Variants in CCDC141 observed in about 807,000 individuals in gnomAD.
CCDC141 encodes coiled-coil domain-containing protein 141.
CCDC141 carries 168 observed loss-of-function variants against 181.0 expected under a neutral mutation model. The ratio of observed to expected loss-of-function variants is 0.93; its 90% CI spans 0.82 to 1.05. CCDC141 has a LOEUF of 1.05. Ranked by LOEUF, CCDC141 falls within the 50% of genes least tolerant of loss-of-function variation. The pLI, the probability that CCDC141 is intolerant of heterozygous loss-of-function variation, is 0.00. For synonymous variants in CCDC141, 666 were observed against 642.3 expected, an observed-to-expected ratio of 1.04 and a Z score of -0.56; for missense variants, 1,902 against 1,788.5, an observed-to-expected ratio of 1.06 and a Z score of -1.14.
At chr2:178,844,487 T>A (rs545018486) in intron 22 of CCDC141, among the ~76,000 whole-genome samples, 2 of 152,194 alleles carry the variant, frequency 1.3e-5, no homozygotes, top group African/African-American at 4.8e-5. Context: ...TAAAACCATT[T>A]GATACAAGAG....
chr2:178,853,828 G>A (rs143625734), intron 19 of CCDC141, among the ~76,000 whole-genome samples: 8 of 152,200 alleles, frequency 5.3e-5, no homozygotes, highest in African/African-American at 1.7e-4. Context: ...AAATACAAAT[G>A]TGAAAATATG....
intron 2 of CCDC141, among the ~76,000 whole-genome samples, chr2:179,019,609 T>C (rs1431307226): frequency 6.6e-6 from 1 of 152,164 alleles, no homozygotes; most frequent in African/African-American, 2.4e-5. Context: ...CTTTGCCTCA[T>C]ATCAAAAGTA....
intron 18 of CCDC141, 147 bp from the exon 19 acceptor site, chr2:178,855,688 G>A: frequency 3.7e-6 from 2 of 536,394 alleles, no homozygotes; most frequent in Non-Finnish European, 6.4e-6. Context: ...ATTATGGTAA[G>A]AATGGGTTTC....
chr2:179,039,483 C>T (rs1200276859), intron 2 of CCDC141, among the ~76,000 whole-genome samples: 2 of 151,826 alleles, frequency 1.3e-5, no homozygotes, highest in African/African-American at 2.4e-5. Flanking sequence ...TATTTCTTAC[C>T]CAAATTTTCT....
intron 2 of CCDC141, among the ~76,000 whole-genome samples, chr2:179,015,073 T>A (rs897435763): frequency 3.4e-5 from 1 of 29,170 alleles, no homozygotes; most frequent in Non-Finnish European, 8.7e-5. Context: ...CAGAGATATA[T>A]ATATATATAT....
At chr2:178,949,331 C>T (rs574510460) in intron 5 of CCDC141, among the ~76,000 whole-genome samples, 113 of 152,240 alleles carry the variant, frequency 7.4e-4, no homozygotes, top group African/African-American at 2.5e-3. Flanking sequence ...TTCAACCAAC[C>T]TTTGCACCCC....
At chr2:178,891,171 T>C (rs1053709652) in intron 8 of CCDC141, among the ~76,000 whole-genome samples, 4 of 151,812 alleles carry the variant, frequency 2.6e-5, no homozygotes, top group African/African-American at 9.7e-5. Context: ...ACAGATTACA[T>C]TGGTTTAGTT....
chr2:178,862,046 G>GCGTA (rs1365007886), intron 17 of CCDC141, among the ~76,000 whole-genome samples: 1 of 152,104 alleles, frequency 6.6e-6, no homozygotes, highest in Non-Finnish European at 1.5e-5. Flanking sequence ...TAATTTTATT[G>GCGTA]CGTATGTGTC....
At chr2:178,861,234 A>T (rs991572589) in intron 17 of CCDC141, among the ~76,000 whole-genome samples, 2 of 151,730 alleles carry the variant, frequency 1.3e-5, no homozygotes, top group African/African-American at 2.4e-5. Context: ...TGACGTGATC[A>T]CAGCTCACTG....
chr2:178,999,332 A>G (rs1237212619), intron 2 of CCDC141, among the ~76,000 whole-genome samples: 2 of 152,116 alleles, frequency 1.3e-5, no homozygotes, highest in Non-Finnish European at 2.9e-5. Context: ...GTCAACTCCT[A>G]CATATCATTT....
chr2:179,048,166 G>T (rs1229149734), intron 1 of CCDC141, among the ~76,000 whole-genome samples: 1 of 152,090 alleles, frequency 6.6e-6, no homozygotes, highest in Non-Finnish European at 1.5e-5. Flanking sequence ...CCACTAACAC[G>T]CATACGCATG....
intron 5 of CCDC141, among the ~76,000 whole-genome samples, chr2:178,950,601 C>T (rs1433654008): frequency 6.6e-6 from 1 of 152,080 alleles, no homozygotes; most frequent in Non-Finnish European, 1.5e-5. Context: ...TGGGACTGAT[C>T]TAGTTATTGG....
At chr2:178,984,439 T>C (rs1457384347) in intron 2 of CCDC141, among the ~76,000 whole-genome samples, 2 of 150,856 alleles carry the variant, frequency 1.3e-5, no homozygotes, top group Non-Finnish European at 2.9e-5. Context: ...AACATCATAA[T>C]GACAGGATCA....
chr2:178,982,329 G>C (rs887609425), intron 2 of CCDC141, among the ~76,000 whole-genome samples: 4 of 151,952 alleles, frequency 2.6e-5, no homozygotes, highest in Non-Finnish European at 5.9e-5. Flanking sequence ...AATCTAAAAA[G>C]GAAATCAAGA....
intron 9 of CCDC141, 53 bp from the exon 10 acceptor site, chr2:178,886,924 G>A: frequency 9.5e-7 from 1 of 1,057,726 alleles, no homozygotes; most frequent in Non-Finnish European, 1.3e-6. Flanking sequence ...TTGCATATAT[G>A]TACGCACATG....
intron 17 of CCDC141, among the ~76,000 whole-genome samples, chr2:178,861,167 GCTTT>G (rs1685599140): frequency 6.7e-6 from 1 of 150,178 alleles, no homozygotes; most frequent in African/African-American, 2.4e-5. Context: ...GGATGTTTGT[GCTTT>G]TTTTTTTTTC....
At chr2:178,829,322 G>C (rs979083713), downstream of CCDC141, among the ~76,000 whole-genome samples, 8 of 152,200 alleles carry the variant, frequency 5.3e-5, no homozygotes, top group Non-Finnish European at 1.0e-4. Flanking sequence ...GCCATGTCCT[G>C]GGTTACACAA....
chr2:178,989,585 C>A (rs1233182274), intron 2 of CCDC141, among the ~76,000 whole-genome samples: 44 of 139,960 alleles, frequency 3.1e-4, no homozygotes, highest in African/African-American at 1.1e-3. Flanking sequence ...GAGAGCAAGA[C>A]CCTGCCTCAA....
At chr2:178,994,409 G>T (rs192832772) in intron 2 of CCDC141, among the ~76,000 whole-genome samples, 20 of 152,296 alleles carry the variant, frequency 1.3e-4, no homozygotes, top group South Asian at 4.2e-4. Context: ...GCTCTGTGTT[G>T]GTCCCTTTCA....
Sources: gnomAD v4.1 joint callset for allele counts (sites outside exome capture counted in the v4.1 genomes callset) on GRCh38, gnomAD v4.1.1 for gene constraint, MANE v1.5 for transcripts, NCBI Gene and HGNC (gene_info 2026-07-23, HGNC 2026-07-21) for gene names.